GRIA3: variants seen among roughly 807,000 people sequenced by gnomAD.
The protein encoded by GRIA3 is glutamate receptor 3.
Under a neutral mutation model 63.0 loss-of-function variants are expected in GRIA3, and 3 were observed. The observed-to-expected ratio is 0.05, with a 90% CI of 0.02 to 0.12. The LOEUF is 0.12. Ranked by LOEUF, GRIA3 falls within the 10% of genes least tolerant of loss-of-function variation. The pLI is 1.00. For missense variants in GRIA3, 347 were observed against 700.9 expected (o/e 0.50, Z 5.70); for synonymous variants, 274 against 257.9 (o/e 1.06, Z -0.60).
chrX:123,333,172 C>A (rs925535763), intron 4 of GRIA3, among the ~76,000 whole-genome samples: 2 of 111,793 alleles, frequency 1.8e-5, no homozygotes, highest in Non-Finnish European at 3.8e-5. Context: ...AAGGATATGA[C>A]AGATGTTATT....
intron 2 of GRIA3, among the ~76,000 whole-genome samples, chrX:123,195,937 A>T (rs1421556044): frequency 9.0e-6 from 1 of 111,450 alleles, no homozygotes; most frequent in Non-Finnish European, 1.9e-5. Context: ...GCTTTTCATG[A>T]CTGAGTGCCA....
chrX:123,431,277 G>A (rs775645243), intron 12 of GRIA3, among the ~76,000 whole-genome samples: 1 of 112,348 alleles, frequency 8.9e-6, no homozygotes, highest in South Asian at 3.7e-4. Context: ...TAATTGCCCT[G>A]CAGACATTTT....
intron 3 of GRIA3, among the ~76,000 whole-genome samples, chrX:123,293,534 T>C (rs187401781): frequency 1.8e-5 from 2 of 109,500 alleles, no homozygotes; most frequent in African/African-American, 6.6e-5. Flanking sequence ...CCACCCAACA[T>C]AACATCTCTA....
intron 2 of GRIA3, among the ~76,000 whole-genome samples, chrX:123,187,049 T>C (rs1927298162): frequency 8.9e-6 from 1 of 112,684 alleles, no homozygotes; most frequent in African/African-American, 3.2e-5. Context: ...GAATATGGTA[T>C]AAAATATGCT....
chrX:123,421,055 T>C (rs1393774282), intron 11 of GRIA3, among the ~76,000 whole-genome samples: 1 of 111,314 alleles, frequency 9.0e-6, no homozygotes, highest in Non-Finnish European at 1.9e-5. Flanking sequence ...GTGTCATTTT[T>C]TTTTTAATTC....
At chrX:123,224,890 A>G (rs936601793) in intron 2 of GRIA3, among the ~76,000 whole-genome samples, 2 of 111,673 alleles carry the variant, frequency 1.8e-5, no homozygotes, top group African/African-American at 6.5e-5. Flanking sequence ...CCCCCTTCCC[A>G]TATCCAAATC....
intron 12 of GRIA3, among the ~76,000 whole-genome samples, chrX:123,443,382 T>C (rs2045686704): frequency 8.9e-6 from 1 of 111,886 alleles, no homozygotes; most frequent in East Asian, 2.8e-4. Flanking sequence ...TGTATTTATG[T>C]CTTTATGGAT....
intron 3 of GRIA3, among the ~76,000 whole-genome samples, chrX:123,306,911 T>C (rs778625343): frequency 6.3e-5 from 7 of 111,827 alleles, no homozygotes; most frequent in Non-Finnish European, 1.1e-4. Flanking sequence ...TGGCAGAGAA[T>C]TGGGGAAGAT....
chrX:123,327,027 G>A lies in GRIA3; in HGVS notation c.696+814G>A, dbSNP rs181167074. 2.7e-4 allele frequency among the ~76,000 whole-genome samples: 30 copies of A among 109,792 alleles called. No homozygotes were observed. In the East Asian group the frequency reaches 6.3e-3, roughly 23 times the overall value. Reference sequence around the variant, plus strand: ...TTAGAAATACAAAAATTAACTGGGCGTGGTGGCGGGTGCCTGTGATCCCAG... The same window carrying A: ...TTAGAAATACAAAAATTAACTGGGCATGGTGGCGGGTGCCTGTGATCCCAG... On this transcript the variant is annotated intron_variant, in intron 4 of 15. Coordinates refer to ENST00000620443, the MANE Select transcript of GRIA3 (RefSeq NM_007325.5).
rs191480591 is a variant in GRIA3, at chrX:123,434,682, C to G, written c.2076+6543C>G. On this transcript the variant is annotated intron_variant, in intron 12 of 15. Transcript: ENST00000620443. ...CACAGGTGAGGATGCTGAGGCCTGG[C>G]CAAAAAGGCCTCTGGAAAAGGGAAA... is the stretch of plus-strand genomic sequence containing the variant. Among the ~76,000 whole-genome samples, 320 of 111,104 alleles carry G rather than the reference C, an allele frequency of 2.9e-3. 1 individual carries two copies. The highest frequency in any genetic ancestry group is 0.01 in the African/African-American group (311 of 30,563).
In GRIA3 at chrX:123,417,712, G is replaced by A; in HGVS notation, c.1811G>A (p.Gly604Glu). The part of the protein sequence containing the change: ...QSPPDPPNEF[G>E]IFNSLWFSLG... ...CCTCCTGATCCTCCAAATGAATTTG[G>A]AATATTTAACAGTCTTTGGTTTTCC... The change falls in exon 11 of 16, where the codon GGA (glycine) becomes GAA (glutamate). Residue 604 changes from glycine (G) to glutamate (E), a missense_variant. By Grantham distance (98) the Gly-to-Glu change is moderately conservative. Around this residue, in one of 8 missense-constraint regions of GRIA3, gnomAD observed 19 missense variants for 30.9 expected, o/e 0.61. Coordinates refer to ENST00000620443, the MANE Select transcript of GRIA3 (RefSeq NM_007325.5). 1 of 1,165,161 alleles carries A rather than the reference G, an allele frequency of 8.6e-7. No homozygotes were observed. The highest frequency in any genetic ancestry group is 1.1e-6 in the Non-Finnish European group (1 of 871,738).
intron 2 of GRIA3, among the ~76,000 whole-genome samples, chrX:123,221,108 G>A (rs1479446880): frequency 1.8e-5 from 2 of 112,261 alleles, no homozygotes; most frequent in East Asian, 5.6e-4. Context: ...TAACAAGCTT[G>A]CACACACACA....
At chrX:123,349,982 A>T (rs780259956) in intron 4 of GRIA3, among the ~76,000 whole-genome samples, 1 of 111,309 alleles carries the variant, frequency 9.0e-6, no homozygotes, top group Non-Finnish European at 1.9e-5. Context: ...CCAAATGTAA[A>T]TAGGATGCCA....
intron 4 of GRIA3, among the ~76,000 whole-genome samples, chrX:123,353,005 T>C (rs768627433): frequency 1.4e-3 from 128 of 90,890 alleles, no homozygotes; most frequent in Non-Finnish European, 1.9e-3. Flanking sequence ...TCTTGTCCTC[T>C]CTCTCTCTCT....
chrX:123,327,580 C>T (rs764104039), intron 4 of GRIA3, among the ~76,000 whole-genome samples: 31 of 109,276 alleles, frequency 2.8e-4, no homozygotes, highest in Middle Eastern at 4.7e-3. Flanking sequence ...GAAATGCAAA[C>T]AAAAATAGGT....
chrX:123,419,013 GAATA>G (rs752902548), intron 11 of GRIA3, among the ~76,000 whole-genome samples: 3 of 112,205 alleles, frequency 2.7e-5, no homozygotes, highest in East Asian at 2.8e-4. Context: ...ATCAACTCGT[GAATA>G]AATAAACAAA....
At position 123,477,858 on chromosome X, in the gene GRIA3, C is replaced by T. The variant is rs758925741; in HGVS notation, c.2325-2205C>T. 1.2e-4 allele frequency among the ~76,000 whole-genome samples: 13 copies of T among 111,654 alleles called. No homozygotes were observed. In the South Asian group the frequency reaches 4.2e-3, roughly 36 times the overall value. ...CAGCAGTACTGAAGAAACTGAATGA[C>T]GTAATTTGAAGAACATATTACCGGG... is the stretch of plus-strand genomic sequence containing the variant. On this transcript the variant is annotated intron_variant, in intron 13 of 15. Transcript: ENST00000620443.
chrX:123,201,940 C>T (rs144822906), intron 2 of GRIA3, among the ~76,000 whole-genome samples: 4,427 of 111,863 alleles, frequency 0.04, 103 homozygotes, highest in South Asian at 0.19. Flanking sequence ...CTGTCATCCC[C>T]GGCAATGACC....
intron 3 of GRIA3, among the ~76,000 whole-genome samples, chrX:123,287,270 T>G (rs1362094505): frequency 9.0e-6 from 1 of 111,604 alleles, no homozygotes; most frequent in African/African-American, 3.3e-5. Context: ...TACATCGAAA[T>G]AATAAGATCT....
Sources: allele counts gnomAD v4.1 joint callset (sites outside exome capture counted in the v4.1 genomes callset), GRCh38; gene constraint gnomAD v4.1.1; regional missense constraint gnomAD v4.1.1; transcripts MANE v1.5; gene names NCBI Gene and HGNC (gene_info 2026-07-23, HGNC 2026-07-21).